Variants in RNF207 observed in about 807,000 individuals in gnomAD.
RNF207 encodes ring finger protein 207, also known as OTTHUMG00000001089.
A neutral mutation model predicts 79.0 loss-of-function variants in RNF207; 72 were observed. That is an observed-to-expected ratio of 0.91 (90% CI 0.75 to 1.11). The LOEUF is 1.11. Ranked by LOEUF, RNF207 falls within the 50% of genes least tolerant of loss-of-function variation. The probability of loss-of-function intolerance (pLI) is 0.00; values close to 1 mark genes in which losing one functional copy is unlikely to be tolerated. For missense variants in RNF207, 936 were observed against 855.8 expected (o/e 1.09, Z -1.17); for synonymous variants, 348 against 366.2 (o/e 0.95, Z 0.57).
In RNF207 at chr1:6,206,740, A is replaced by G. The variant is rs746171397; in HGVS notation, c.191+14A>G. 3.1e-6 allele frequency: 5 copies of G among 1,597,970 alleles called. No individual in the cohort carries two copies. In the East Asian group the frequency reaches 8.9e-5, roughly 29 times the overall value. The stretch of plus-strand genomic sequence containing the variant: ...CCCGCTGTGCCAGTAAGTGTCCCAA[A>G]GTTCCCCAAAACCCCCCAGACCCCA... On this transcript the variant is annotated intron_variant, in intron 2 of 17. Coordinates refer to ENST00000377939, the MANE Select transcript of RNF207 (RefSeq NM_207396.3).
intron 3 of RNF207, chr1:6,208,304 G>A (rs1667994416): frequency 6.6e-6 from 1 of 150,452 alleles, no homozygotes; most frequent in African/African-American, 2.5e-5. Context: ...ACACCCTTTT[G>A]TTGCAGGTAA....
At chr1:6,208,610 G>A (rs1442350279) in intron 3 of RNF207, 2 of 484,716 alleles carry the variant, frequency 4.1e-6, no homozygotes, top group Non-Finnish European at 7.2e-6. Flanking sequence ...CCCGGCCTCG[G>A]TAAAATGTTT....
chr1:6,209,369 G>C, intron 6 of RNF207, 26 bp downstream of exon 6: 16 of 1,528,672 alleles, frequency 1.0e-5, no homozygotes, highest in Non-Finnish European at 1.4e-5. Flanking sequence ...TGGCGCGCGG[G>C]GCCGCGCGGC....
At chr1:6,206,472 G>A in intron 1 of RNF207, 64 bp from the exon 2 acceptor site, 1 of 1,295,268 alleles carries the variant, frequency 7.7e-7, no homozygotes, top group South Asian at 1.5e-5. Flanking sequence ...CGGGCAGAGG[G>A]GCCGCGGGAG....
rs1668231194 is a variant in RNF207, at chr1:6,212,880, C to G, written c.1534+147C>G. On this transcript the variant is annotated intron_variant, in intron 15 of 17. Coordinates refer to ENST00000377939, the MANE Select transcript of RNF207 (RefSeq NM_207396.3). ...CTTGACCGTGCCTCCCAGCTGCTAA[C>G]TGGCCTCAAATGATGCATGTGAGGT... The G allele has an allele frequency of 6.1e-6, 5 of 817,760 alleles. No homozygotes were observed. In the East Asian group the frequency reaches 1.2e-4, roughly 20 times the overall value. 50.7% of individuals were successfully genotyped at this position (817,760 alleles called of 1,614,324 possible).
At position 6,219,528 on chromosome 1, in the gene RNF207, T is replaced by C; in HGVS notation, c.*121T>C. 1 of 706,996 alleles carries C rather than the reference T, an allele frequency of 1.4e-6. No individual in the cohort carries two copies. Among genetic ancestry groups the C allele is most frequent in the Non-Finnish European group, 2.2e-6 (1 of 447,474 alleles). The allele number at this position is 706,996 out of a possible 1,614,324, so 43.8% of individuals were successfully genotyped here. Reference sequence around the variant, plus strand: ...TTATTTTTGAGATGGAGTTTCGCTCTGTTGCCCAGGCTGGAGTGTAATGGT... The same window carrying C: ...TTATTTTTGAGATGGAGTTTCGCTCCGTTGCCCAGGCTGGAGTGTAATGGT... On this transcript the variant is annotated 3_prime_UTR_variant, in exon 18 of 18. Transcript: ENST00000377939.
intron 13 of RNF207, 80 bp from the exon 14 acceptor site, chr1:6,212,151 G>A: frequency 6.5e-7 from 1 of 1,546,262 alleles, no homozygotes; most frequent in Non-Finnish European, 8.8e-7. Flanking sequence ...TGCTGAAGCT[G>A]GGAGCCATTC....
chr1:6,211,907 C>A lies in RNF207; in HGVS notation c.1150C>A (p.His384Asn). 1 of 1,550,422 alleles carries A rather than the reference C, an allele frequency of 6.4e-7. No individual in the cohort carries two copies. ...GLGPKALTGP[H>N]CPSPVGKMSG... Reference sequence around the variant, plus strand: ...AGGCCCCAAGGCGCTGACGGGGCCCCACTGCCCCTCCCCAGTAGGAAAGAT... The same window carrying A: ...AGGCCCCAAGGCGCTGACGGGGCCCAACTGCCCCTCCCCAGTAGGAAAGAT... The change falls in exon 13 of 18, where the codon CAC (histidine) becomes AAC (asparagine). Residue 384 changes from histidine (H) to asparagine (N), a missense_variant. Transcript: ENST00000377939. This position sits in a 1 kb window ranked among gnomAD's most constrained non-coding sequence, Gnocchi z 4.2.
Position 6,207,269 on chromosome 1 carries a change from C to T in RNF207, c.192-110C>T. On this transcript the variant is annotated intron_variant, in intron 2 of 17. Transcript: ENST00000377939. This position sits in a 1 kb window ranked among gnomAD's most constrained non-coding sequence, Gnocchi z 4.5. ...TAGCAGACCCCAGAGCTGTGGTGCA[C>T]CCCACCTCCCAACACAGCTATTTTT... 2 of 1,156,608 alleles carry T rather than the reference C, an allele frequency of 1.7e-6. No homozygotes were observed. The highest frequency in any genetic ancestry group is 1.2e-6 in the Non-Finnish European group (1 of 835,290). 71.6% of individuals were successfully genotyped at this position (1,156,608 alleles called of 1,614,324 possible).
rs563193626 is a variant in RNF207 at position 6,219,262 on chromosome 1, A to G, written c.1760A>G (p.Lys587Arg). Residue 587 changes from lysine to arginine, a missense_variant, in exon 18 of 18, where the codon AAG becomes AGG. By Grantham distance (26) the Lys-to-Arg change is conservative (BLOSUM62 2). Coordinates refer to ENST00000377939, the MANE Select transcript of RNF207 (RefSeq NM_207396.3). ...ARNNPGSVPE[K>R]REKTSEPKGN... ...AATAATCCAGGAAGTGTCCCGGAAA[A>G]GAGAGAGAAGACATCAGAGCCTAAA... is the stretch of plus-strand genomic sequence containing the variant. The G allele has an allele frequency of 3.7e-6, 6 of 1,611,934 alleles. No homozygotes were observed. The highest frequency in any genetic ancestry group is 5.1e-6 in the Non-Finnish European group (6 of 1,179,186).
chr1:6,212,078 G>C (rs755641233), intron 13 of RNF207, 25 bp downstream of exon 13: 22 of 1,547,452 alleles, frequency 1.4e-5, no homozygotes, highest in South Asian at 1.0e-4. Context: ...ATCTGCCGGA[G>C]GGGGGAGATG....
rs1024010711 is a variant in RNF207 at position 6,207,152 on chromosome 1, A to C, written c.192-227A>C. ...TGTCGAGGAGCAGCTTCTGCTTTTG[A>C]TACTAGGGGACCAACCCCACTGTCT... is the stretch of plus-strand genomic sequence containing the variant. On this transcript the variant is annotated intron_variant, in intron 2 of 17. Transcript: ENST00000377939. The surrounding 1 kb of genome is among the most constrained non-coding windows in gnomAD (Gnocchi z 4.5). Among the ~76,000 whole-genome samples, 4 of 152,252 alleles carry C rather than the reference A, an allele frequency of 2.6e-5. No individual in the cohort carries two copies. The highest frequency in any genetic ancestry group is 9.6e-5 in the African/African-American group (4 of 41,536).
chr1:6,209,169 G>C lies in RNF207; in HGVS notation c.524G>C (p.Cys175Ser), dbSNP rs752427333. 1.4e-5 allele frequency: 22 copies of C among 1,556,580 alleles called. No individual in the cohort carries two copies. The highest frequency in any genetic ancestry group is 7.1e-5 in the South Asian group (6 of 84,778). Residue 175 changes from cysteine (C) to serine (S), a missense_variant, in exon 5 of 18, where the codon TGC becomes TCC. Transcript: ENST00000377939. ...TCCACCGACAAGAAGTTGCTGTTGT[G>C]CATCCGCTGCTTCCGCGACATGCAG... ...LFSTDKKLLL[C>S]IRCFRDMQKE...
chr1:6,218,775 A>G (rs1347686199), intron 17 of RNF207, among the ~76,000 whole-genome samples: 1 of 152,098 alleles, frequency 6.6e-6, no homozygotes, highest in Non-Finnish European at 1.5e-5. Flanking sequence ...CACCTACGAC[A>G]CAGTCACAGG....
Position 6,210,407 on chromosome 1 carries a change from C to T in RNF207, c.911C>T (p.Ala304Val), listed in dbSNP as rs1372043495. ...LVICSSFLSL[A>V]NKAEFLDLGY... ...ATCTGCTCCTCCTTCCTCAGCTTGG[C>T]CAACAAGGCTGAGTTCCTGGACCTG... The change falls in exon 10 of 18, where the codon GCC (alanine) becomes GTC (valine). Residue 304 changes from alanine (A) to valine (V), a missense_variant. By Grantham distance (64) the Ala-to-Val change is moderately conservative. Transcript: ENST00000377939. 3.7e-6 allele frequency: 6 copies of T among 1,613,602 alleles called. No homozygotes were observed. Among genetic ancestry groups the T allele is most frequent in the Non-Finnish European group, 1.7e-6 (2 of 1,179,864 alleles).
At position 6,212,266 on chromosome 1, in the gene RNF207, G is replaced by A. The variant is rs1322293356; in HGVS notation, c.1332G>A (p.Gln444=). 2.5e-6 allele frequency: 4 copies of A among 1,612,362 alleles called. No individual in the cohort carries two copies. In the East Asian group the frequency reaches 6.7e-5, roughly 27 times the overall value. Reference sequence around the variant, plus strand: ...CAGAGATGCAGAGCCTAAAGGACCAGGTACAGGAGCTGCACCGAGACCTCA... The same window carrying A: ...CAGAGATGCAGAGCCTAAAGGACCAAGTACAGGAGCTGCACCGAGACCTCA... ...LQAEMQSLKD[Q]VQELHRDLTK... The change falls in exon 14 of 18, where the codon CAG becomes CAA. Residue 444 remains glutamine, a synonymous_variant. Coordinates refer to ENST00000377939, the MANE Select transcript of RNF207 (RefSeq NM_207396.3).
At position 6,213,085 on chromosome 1, in the gene RNF207, CCAG is replaced by C; in HGVS notation, c.1556_1558del (p.Gln519del). ...CCACAGCCCAGCTCCATGACCTTCT[CCAG>C]CTGAGGCAGGAGAATGCCTACCTGA... On this transcript the variant is annotated inframe_deletion, in exon 16 of 18. Coordinates refer to ENST00000377939, the MANE Select transcript of RNF207 (RefSeq NM_207396.3). 1 of 1,613,162 alleles carries C rather than the reference CCAG, an allele frequency of 6.2e-7. No individual in the cohort carries two copies. The highest frequency in any genetic ancestry group is 8.5e-7 in the Non-Finnish European group (1 of 1,179,462).
rs1224776850 is a variant in RNF207 at position 6,219,455 on chromosome 1, C to G, written c.*48C>G. ...TCAGGCTCTTAGAGCAGGCACAAGA[C>G]TGGGACACTGGACAGAAGGTTGTTC... On this transcript the variant is annotated 3_prime_UTR_variant, in exon 18 of 18. Transcript: ENST00000377939. 2 of 1,349,956 alleles carry G rather than the reference C, an allele frequency of 1.5e-6. No homozygotes were observed. Among genetic ancestry groups the G allele is most frequent in the Middle Eastern group, 2.7e-4 (1 of 3,700 alleles). 83.6% of individuals were successfully genotyped at this position (1,349,956 alleles called of 1,614,324 possible). A position where few individuals can be genotyped will look rare whatever the true frequency, so the allele number is the denominator to read the frequency against.
At position 6,210,401 on chromosome 1, in the gene RNF207, G is replaced by A; in HGVS notation, c.905G>A (p.Ser302Asn). ...CTGGTCATCTGCTCCTCCTTCCTCA[G>A]CTTGGCCAACAAGGCTGAGTTCCTG... ...VHLVICSSFL[S>N]LANKAEFLDL... Residue 302 changes from serine to asparagine, a missense_variant, in exon 10 of 18, where the codon AGC becomes AAC. Ser to Asn is a conservative substitution (Grantham distance 46, BLOSUM62 1). Transcript: ENST00000377939. The A allele has an allele frequency of 1.9e-6, 3 of 1,613,702 alleles. No homozygotes were observed. Among genetic ancestry groups the A allele is most frequent in the Non-Finnish European group, 2.5e-6 (3 of 1,179,896 alleles).
Sources: gnomAD v4.1 joint callset for allele counts (sites outside exome capture counted in the v4.1 genomes callset) on GRCh38, gnomAD v4.1.1 for gene constraint, Gnocchi (gnomAD v3.1) non-coding constraint, MANE v1.5 for transcripts, NCBI Gene and HGNC (gene_info 2026-07-23, HGNC 2026-07-21) for gene names.